PGLYRP2: variants seen among roughly 807,000 people sequenced by gnomAD.
The protein encoded by PGLYRP2 is N-acetylmuramoyl-L-alanine amidase.
A neutral mutation model predicts 46.2 loss-of-function variants in PGLYRP2; 38 were observed. That is an observed-to-expected ratio of 0.82 (90% CI 0.64 to 1.08). The LOEUF (loss-of-function observed/expected upper bound fraction) is 1.08, where lower values mean the gene tolerates loss of function less well. PGLYRP2 is among the 50% of genes least tolerant of loss of function. The pLI is 0.00. For missense variants in PGLYRP2, 713 were observed against 755.9 expected (o/e 0.94, Z 0.67); for synonymous variants, 289 against 329.4 (o/e 0.88, Z 1.33).
At chr19:15,472,791 T>A (rs1970761940) in intron 2 of PGLYRP2, among the ~76,000 whole-genome samples, 1 of 152,100 alleles carries the variant, frequency 6.6e-6, no homozygotes, top group Admixed American at 6.6e-5. Context: ...GCAATCTCTA[T>A]CAAAATATCA....
intron 3 of PGLYRP2, among the ~76,000 whole-genome samples, chr19:15,471,103 CTTTTTTTTT>C (rs71176418): frequency 1.3e-5 from 1 of 79,462 alleles, no homozygotes. Context: ...CCATGCCCAG[CTTTTTTTTT>C]TTTTTTTTTT....
chr19:15,478,869 G>A (rs1218464455), intron 1 of PGLYRP2, among the ~76,000 whole-genome samples: 4 of 152,094 alleles, frequency 2.6e-5, no homozygotes, highest in South Asian at 4.2e-4. Flanking sequence ...TGATCTGCCC[G>A]CCTTGATCTC....
In PGLYRP2 at chr19:15,471,885, C is replaced by T. The variant is rs764016531; in HGVS notation, c.1343+5G>A. ...CCGCCCCCTCCCCGGTCGGGCCCCT[C>T]CTACCTGTAGCCGATGTCTCCCCAG... On this transcript the variant is annotated splice_donor_5th_base_variant and intron_variant, in intron 3 of 4. Transcript: ENST00000340880. The T allele has an allele frequency of 8.1e-6, 13 of 1,613,032 alleles. No individual in the cohort carries two copies. The highest frequency in any genetic ancestry group is 1.1e-5 in the Non-Finnish European group (13 of 1,179,276).
At position 15,479,388 on chromosome 19, in the gene PGLYRP2, C is replaced by T. The variant is rs1225767197; in HGVS notation, c.-17G>A. 2 of 1,613,284 alleles carry T rather than the reference C, an allele frequency of 1.2e-6. No individual in the cohort carries two copies. Among genetic ancestry groups the T allele is most frequent in the African/African-American group, 2.7e-5 (2 of 74,910 alleles). The stretch of plus-strand genomic sequence containing the variant: ...CTGGGCCATTGTTGCAGGATTCCAG[C>T]TTCCAAGGGGTATTTCTGGTTGGCC... On this transcript the variant is annotated 5_prime_UTR_variant, in exon 1 of 5. Transcript: ENST00000340880.
chr19:15,479,434 T>C lies in PGLYRP2; in HGVS notation c.-63A>G. The C allele has an allele frequency of 6.6e-7, 1 of 1,510,344 alleles. No homozygotes were observed. The highest frequency in any genetic ancestry group is 9.1e-7 in the Non-Finnish European group (1 of 1,096,556). 93.6% of individuals were successfully genotyped at this position (1,510,344 alleles called of 1,614,324 possible). A position where few individuals can be genotyped will look rare whatever the true frequency, so the allele number is the denominator to read the frequency against. On this transcript the variant is annotated 5_prime_UTR_variant, in exon 1 of 5. Transcript: ENST00000340880. Reference sequence around the variant, plus strand: ...TGGCCTCGGCAGAGAACCTCGGCAGTGCTGGAGGGAGACAGGCACAGAGAA... The same window carrying C: ...TGGCCTCGGCAGAGAACCTCGGCAGCGCTGGAGGGAGACAGGCACAGAGAA...
At position 15,470,300 on chromosome 19, in the gene PGLYRP2, C is replaced by T. The variant is rs562420723; in HGVS notation, c.1344-371G>A. ...TCCTTCCTTCCTTCCTTCCTTCTTT[C>T]TTTCTTTCTTTTTTTGATGGAGTTT... On this transcript the variant is annotated intron_variant, in intron 3 of 4. Coordinates refer to ENST00000340880, the MANE Select transcript of PGLYRP2 (RefSeq NM_052890.4). Among the ~76,000 whole-genome samples, 307 of 135,512 alleles carry T rather than the reference C, an allele frequency of 2.3e-3. 4 individuals are homozygous for T. Among genetic ancestry groups the T allele is most frequent in the Non-Finnish European group, 3.3e-3 (206 of 62,700 alleles). The allele number at this position is 135,512 out of a possible 152,430, so 88.9% of individuals were successfully genotyped here. A position where few individuals can be genotyped will look rare whatever the true frequency, so the allele number is the denominator to read the frequency against.
rs143497744 is a variant in PGLYRP2 at position 15,477,940 on chromosome 19, T to C, written c.62-1332A>G. On this transcript the variant is annotated intron_variant, in intron 1 of 4. Coordinates refer to ENST00000340880, the MANE Select transcript of PGLYRP2 (RefSeq NM_052890.4). ...CTACTAGTCTAGGTGACTTATATAT[T>C]AATAATTTAACGCAGTTAGTCTTCA... 5.3e-5 allele frequency among the ~76,000 whole-genome samples: 8 copies of C among 152,258 alleles called. No homozygotes were observed. The East Asian group carries it at 1.5e-3, about 29-fold the overall frequency.
chr19:15,470,020 A>G (rs1970730146), intron 3 of PGLYRP2, 91 bp from the exon 4 acceptor site: 1 of 1,270,930 alleles, frequency 7.9e-7, no homozygotes, highest in African/African-American at 1.6e-5. Flanking sequence ...TGGTGTGCCA[A>G]GGGCCACCGA....
In PGLYRP2 at chr19:15,476,117, T is replaced by C; in HGVS notation, c.553A>G (p.Ile185Val). The C allele has an allele frequency of 6.2e-7, 1 of 1,614,138 alleles. No individual in the cohort carries two copies. The highest frequency in any genetic ancestry group is 1.3e-5 in the African/African-American group (1 of 75,038). Residue 185 changes from isoleucine to valine, a missense_variant, in exon 2 of 5, where the codon ATT becomes GTT. By Grantham distance (29) the Ile-to-Val change is conservative. Coordinates refer to ENST00000340880, the MANE Select transcript of PGLYRP2 (RefSeq NM_052890.4). The stretch of plus-strand genomic sequence containing the variant: ...GTAGCATCTGGAGTGTTGGCTCCAA[T>C]ATCTGCAGTGGTGACATCTGGAGAG... Reference protein sequence around the residue: ...DGSPDVTTADIGANTPDATKG... With the variant: ...DGSPDVTTADVGANTPDATKG...
chr19:15,470,285 C>T (rs1599763546), intron 3 of PGLYRP2, among the ~76,000 whole-genome samples: 1 of 124,982 alleles, frequency 8.0e-6, no homozygotes. Flanking sequence ...TCCTTCCTTC[C>T]TTCCTTCCTT....
Position 15,475,656 on chromosome 19 carries a change from T to C in PGLYRP2, c.1014A>G (p.Gly338=). 1 of 1,614,094 alleles carries C rather than the reference T, an allele frequency of 6.2e-7. No individual in the cohort carries two copies. Among genetic ancestry groups the C allele is most frequent in the Non-Finnish European group, 8.5e-7 (1 of 1,180,012 alleles). Residue 338 remains glycine (G), a synonymous_variant, in exon 2 of 5, where the codon GGA becomes GGG. Transcript: ENST00000340880. ...CCAGCCTCTGTAGAAGGACAAGGGTTCCCCACACCTGCTGGGCCAGGATGG... is the reference window on the plus strand; with the variant it reads ...CCAGCCTCTGTAGAAGGACAAGGGTCCCCCACACCTGCTGGGCCAGGATGG... ...SASILAQQVW[G]TLVLLQRLEP...
At chr19:15,479,165 G>T in intron 1 of PGLYRP2, 146 bp downstream of exon 1, 1 of 813,838 alleles carries the variant, frequency 1.2e-6, no homozygotes, top group South Asian at 1.7e-5. Context: ...CTGTGGAGCT[G>T]GGAATATCTA....
chr19:15,472,862 G>A lies in PGLYRP2; in HGVS notation c.1133-762C>T, dbSNP rs552043320. On this transcript the variant is annotated intron_variant, in intron 2 of 4. Coordinates refer to ENST00000340880, the MANE Select transcript of PGLYRP2 (RefSeq NM_052890.4). Reference sequence around the variant, plus strand: ...GAAATTCGCAAGGAACCAAAAATGAGCCCAAATAGCAAAAGCAATTCTAAG... The same window carrying A: ...GAAATTCGCAAGGAACCAAAAATGAACCCAAATAGCAAAAGCAATTCTAAG... 1.9e-4 allele frequency among the ~76,000 whole-genome samples: 29 copies of A among 152,208 alleles called. No individual in the cohort carries two copies. The South Asian group carries it at 2.9e-3, about 15-fold the overall frequency.
rs757427446 is a variant in PGLYRP2, at chr19:15,471,897, C to G, written c.1336G>C (p.Gly446Arg). Residue 446 changes from glycine (G) to arginine (R), a missense_variant, in exon 3 of 5, where the codon GGC becomes CGC. Physicochemically the swap from Gly to Arg is moderately radical, Grantham distance 125 (BLOSUM62 -2). Coordinates refer to ENST00000340880, the MANE Select transcript of PGLYRP2 (RefSeq NM_052890.4). ...CGGTCGGGCCCCTCCTACCTGTAGCCGATGTCTCCCCAGCCTTGCGTGTCC... is the reference window on the plus strand; with the variant it reads ...CGGTCGGGCCCCTCCTACCTGTAGCGGATGTCTCCCCAGCCTTGCGTGTCC... ...HQDTQGWGDI[G>R]YSFVVGSDGY... 3.7e-6 allele frequency: 6 copies of G among 1,613,488 alleles called. No homozygotes were observed. The Admixed American group carries it at 8.3e-5, about 22-fold the overall frequency.
intron 1 of PGLYRP2, among the ~76,000 whole-genome samples, 164 bp downstream of exon 1, chr19:15,479,147 C>T (rs1458988813): frequency 6.6e-6 from 1 of 152,154 alleles, no homozygotes; most frequent in Non-Finnish European, 1.5e-5. Context: ...CTTATCCTTG[C>T]CTTGACTCTG....
chr19:15,471,851 A>G, intron 3 of PGLYRP2, 39 bp downstream of exon 3: 1 of 1,597,060 alleles, frequency 6.3e-7, no homozygotes. Flanking sequence ...CCATCCCCGA[A>G]CGTGGGCCCC....
intron 2 of PGLYRP2, among the ~76,000 whole-genome samples, chr19:15,472,557 C>T (rs749883754): frequency 9.2e-5 from 14 of 151,656 alleles, no homozygotes; most frequent in Non-Finnish European, 1.5e-4. Flanking sequence ...TGTGCTATTG[C>T]ACACCAGCCT....
rs749504321 is a variant in PGLYRP2, at chr19:15,469,680, G to C, written c.1593C>G (p.Pro531=). The part of the protein sequence containing the change: ...GHRQLVRTDC[P]GDALFDLLRT... The stretch of plus-strand genomic sequence containing the variant: ...GCAGCAGGTCGAAGAGCGCGTCGCC[G>C]GGGCAGTCGGTGCGCACCAGCTGGC... Residue 531 remains proline (P), a synonymous_variant, in exon 4 of 5, where the codon CCC becomes CCG. Coordinates refer to ENST00000340880, the MANE Select transcript of PGLYRP2 (RefSeq NM_052890.4). The surrounding 1 kb of genome is among the most constrained non-coding windows in gnomAD (Gnocchi z 4.9). 6.5e-7 allele frequency: 1 copy of C among 1,538,036 alleles called. No homozygotes were observed. Among genetic ancestry groups the C allele is most frequent in the South Asian group, 1.2e-5 (1 of 81,308 alleles).
chr19:15,474,356 A>ACAAAT (rs1359367313), intron 2 of PGLYRP2, among the ~76,000 whole-genome samples: 4 of 152,004 alleles, frequency 2.6e-5, no homozygotes, highest in African/African-American at 9.7e-5. Context: ...ACAAAACAAA[A>ACAAAT]CAAAACAAAA....
Sources: allele counts gnomAD v4.1 joint callset (sites outside exome capture counted in the v4.1 genomes callset), GRCh38; gene constraint gnomAD v4.1.1; non-coding constraint Gnocchi (gnomAD v3.1); transcripts MANE v1.5; gene names NCBI Gene and HGNC (gene_info 2026-07-23, HGNC 2026-07-21).